SYT14: variants seen among roughly 807,000 people sequenced by gnomAD.
SYT14 encodes the protein synaptotagmin 14.
SYT14 carries 32 observed loss-of-function variants against 74.2 expected under a neutral mutation model. The ratio of observed to expected loss-of-function variants is 0.43; its 90% CI spans 0.33 to 0.58. SYT14 has a LOEUF of 0.58. Among genes scored for constraint, SYT14 ranks in the 20% least tolerant of loss-of-function variants. The pLI, the probability that SYT14 is intolerant of heterozygous loss-of-function variation, is 0.05. For synonymous variants in SYT14, 298 were observed against 337.7 expected, an observed-to-expected ratio of 0.88 and a Z score of 1.29; for missense variants, 791 against 981.8, an observed-to-expected ratio of 0.81 and a Z score of 2.60.
intron 5 of SYT14, among the ~76,000 whole-genome samples, chr1:210,090,318 T>C (rs1367937929): frequency 6.6e-6 from 1 of 152,046 alleles, no homozygotes; most frequent in Non-Finnish European, 1.5e-5. Context: ...TATTGAGACT[T>C]AATTAATTGC....
intron 2 of SYT14, among the ~76,000 whole-genome samples, chr1:209,982,818 T>C (rs1437981659): frequency 6.6e-6 from 1 of 152,214 alleles, no homozygotes; most frequent in Non-Finnish European, 1.5e-5. Flanking sequence ...ACGGCAGCCA[T>C]TAATGAGGAT....
chr1:209,971,283 G>A (rs139731629), intron 2 of SYT14, among the ~76,000 whole-genome samples: 14 of 152,180 alleles, frequency 9.2e-5, no homozygotes, highest in East Asian at 5.8e-4. Context: ...GAGTGTTTTC[G>A]TGGAGTCTTT....
chr1:210,165,822 G>T (rs2083449464), exon 10 of SYT14: 1 of 152,216 alleles, frequency 6.6e-6, no homozygotes. Context: ...GAAGAAGCCA[G>T]TCACACTATT....
intron 7 of SYT14, among the ~76,000 whole-genome samples, chr1:210,118,731 T>C (rs2082405091): frequency 6.6e-6 from 1 of 152,028 alleles, no homozygotes; most frequent in Admixed American, 6.6e-5. Flanking sequence ...CATCTGCCTC[T>C]GCTGATTGTT....
intron 2 of SYT14, among the ~76,000 whole-genome samples, chr1:209,989,947 C>G (rs1394849760): frequency 3.9e-5 from 6 of 151,930 alleles, no homozygotes; most frequent in Admixed American, 3.9e-4. Flanking sequence ...ATTGGTCTGA[C>G]TTTTCATCAC....
rs72649954 is a variant in SYT14 at position 210,129,873 on chromosome 1, C to T, written c.2035-25848C>T. 0.015 allele frequency among the ~76,000 whole-genome samples: 2,359 copies of T among 152,266 alleles called. 188 individuals carry two copies. The East Asian group carries it at 0.25, about 16-fold the overall frequency. On this transcript the variant is annotated intron_variant, in intron 7 of 9. Transcript: ENST00000637265. ...AAAGATGCTCAGGCTCCCACTTAGA[C>T]CTGTTGATTTGTGGGGCCTGAGTAT... is the stretch of plus-strand genomic sequence containing the variant.
intron 7 of SYT14, among the ~76,000 whole-genome samples, chr1:210,151,234 A>T (rs2083151593): frequency 6.6e-6 from 1 of 152,186 alleles, no homozygotes; most frequent in Non-Finnish European, 1.5e-5. Context: ...ACCTGCAGCT[A>T]CTGCTACCTA....
chr1:210,037,948 G>T (rs2080704968), intron 5 of SYT14, among the ~76,000 whole-genome samples: 2 of 151,902 alleles, frequency 1.3e-5, no homozygotes, highest in African/African-American at 2.4e-5. Context: ...ATTTCTGTTA[G>T]GTCTATTTAG....
intron 7 of SYT14, among the ~76,000 whole-genome samples, chr1:210,128,376 C>CA (rs35998734): frequency 0.032 from 4,028 of 125,564 alleles, 223 homozygotes; most frequent in East Asian, 0.27. Flanking sequence ...GACCCTGTCT[C>CA]AAAAAAAAAA....
At chr1:210,125,240 C>T (rs528067233) in intron 7 of SYT14, among the ~76,000 whole-genome samples, 11 of 151,310 alleles carry the variant, frequency 7.3e-5, no homozygotes, top group African/African-American at 2.4e-4. Context: ...TTGAAATTCC[C>T]GGAGTCTGTT....
At chr1:210,033,412 C>T (rs2080584990) in intron 5 of SYT14, among the ~76,000 whole-genome samples, 2 of 151,716 alleles carry the variant, frequency 1.3e-5, no homozygotes, top group Admixed American at 1.3e-4. Flanking sequence ...AAAAATCTTT[C>T]GTCTAAGCAG....
chr1:210,065,375 CT>C (rs2081278288), intron 5 of SYT14, among the ~76,000 whole-genome samples: 1 of 151,960 alleles, frequency 6.6e-6, no homozygotes, highest in African/African-American at 2.4e-5. Flanking sequence ...TTATAAGGGG[CT>C]TTTCTCCCTT....
At chr1:210,012,441 G>A (rs1018003857) in intron 2 of SYT14, among the ~76,000 whole-genome samples, 13 of 152,180 alleles carry the variant, frequency 8.5e-5, no homozygotes, top group African/African-American at 2.2e-4. Flanking sequence ...GGAGTTGGTC[G>A]TTCCAGGCAA....
rs752880685 is a variant in SYT14 at position 210,121,971 on chromosome 1, CTTTTTTTTTTT to C, written c.2034+21524_2034+21534del. Among the ~76,000 whole-genome samples the C allele has an allele frequency of 5.3e-4, 29 of 54,502 alleles. 7 individuals carry two copies. The Middle Eastern group carries it at 0.03, about 56-fold the overall frequency. 35.8% of individuals were successfully genotyped at this position (54,502 alleles called of 152,430 possible). On this transcript the variant is annotated intron_variant, in intron 7 of 9. Coordinates refer to ENST00000637265, the Ensembl canonical transcript of SYT14. ...TATTCTGAAGTAACAAATCCTGAAA[CTTTTTTTTTTT>C]TTTTTTTTTTTTTGAGACGGAGTCT...
chr1:210,002,138 A>G (rs893242568), intron 2 of SYT14, among the ~76,000 whole-genome samples: 10 of 152,182 alleles, frequency 6.6e-5, no homozygotes. Context: ...TAAGAACTAT[A>G]CATTTTTTTA....
intron 2 of SYT14, among the ~76,000 whole-genome samples, chr1:209,966,853 G>A (rs1014311057): frequency 9.9e-5 from 15 of 152,168 alleles, no homozygotes; most frequent in Middle Eastern, 3.4e-3. Flanking sequence ...AGAACTTCTA[G>A]TACAATGTTG....
At chr1:210,120,376 T>TTG (rs74651497) in intron 7 of SYT14, among the ~76,000 whole-genome samples, 16,452 of 150,752 alleles carry the variant, frequency 0.11, 2,281 homozygotes, top group African/African-American at 0.32. Context: ...TTTTTTTTTT[T>TTG]TTTGTTTGAG....
rs547979359 is a variant in SYT14, at chr1:210,030,813, A to G, written c.1312+9559A>G. On this transcript the variant is annotated intron_variant, in intron 5 of 9. Coordinates refer to ENST00000637265, the Ensembl canonical transcript of SYT14. Reference sequence around the variant, plus strand: ...AGGGAGGAGCGTCTGAGAGAAGATCACTCACAAGAACAGTTTCTTGAGAGA... The same window carrying G: ...AGGGAGGAGCGTCTGAGAGAAGATCGCTCACAAGAACAGTTTCTTGAGAGA... Among the ~76,000 whole-genome samples, 8 of 152,286 alleles carry G rather than the reference A, an allele frequency of 5.3e-5. No homozygotes were observed. In the East Asian group the frequency reaches 1.5e-3, roughly 29 times the overall value.
intron 5 of SYT14, among the ~76,000 whole-genome samples, chr1:210,023,444 A>G (rs2080343726): frequency 1.3e-5 from 2 of 152,152 alleles, no homozygotes; most frequent in South Asian, 2.1e-4. Context: ...CTTGGGTTCA[A>G]GAGATTCTCC....
Sources: allele counts gnomAD v4.1 joint callset (sites outside exome capture counted in the v4.1 genomes callset), GRCh38; gene constraint gnomAD v4.1.1; transcripts MANE v1.5; gene names NCBI Gene and HGNC (gene_info 2026-07-23, HGNC 2026-07-21).